PPP2R5C: variants seen among roughly 807,000 people sequenced by gnomAD.
PPP2R5C encodes the protein serine/threonine-protein phosphatase 2A 56 kDa regulatory subunit gamma isoform.
PPP2R5C carries 7 observed loss-of-function variants against 68.9 expected under a neutral mutation model. That is an observed-to-expected ratio of 0.10 (90% CI 0.06 to 0.19). The LOEUF (loss-of-function observed/expected upper bound fraction) is 0.19. PPP2R5C is among the 10% of genes least tolerant of loss of function. The pLI is 1.00. For missense variants in PPP2R5C, 348 were observed against 641.3 expected (o/e 0.54, Z 4.94); for synonymous variants, 210 against 222.2 (o/e 0.95, Z 0.49).
exon 14 of PPP2R5C, chr14:101,926,255 G>C (rs2047285453): frequency 6.6e-6 from 1 of 152,430 alleles, no homozygotes; most frequent in South Asian, 2.1e-4. Flanking sequence ...GCATTGCACG[G>C]GGCCGGCACT....
At chr14:101,865,924 CAG>C (rs1230025039) in intron 2 of PPP2R5C, among the ~76,000 whole-genome samples, 2 of 152,168 alleles carry the variant, frequency 1.3e-5, no homozygotes, top group Non-Finnish European at 2.9e-5. Context: ...TTTTTTGAGA[CAG>C]AGTCTTTCTC....
At chr14:101,836,271 G>A in intron 1 of PPP2R5C, 1 of 702,844 alleles carries the variant, frequency 1.4e-6, no homozygotes. Flanking sequence ...CAAACCCATG[G>A]AGAACCCCGC....
chr14:101,842,027 C>A (rs537561768), intron 1 of PPP2R5C, among the ~76,000 whole-genome samples: 1 of 152,188 alleles, frequency 6.6e-6, no homozygotes, highest in Admixed American at 6.5e-5. Context: ...CCTGCAGGTT[C>A]CCCCCACCAA....
At chr14:101,760,650 A>C (rs964035378), upstream of PPP2R5C, 11 of 572,720 alleles carry the variant, frequency 1.9e-5, no homozygotes, top group African/African-American at 7.8e-4. Context: ...GAAACTGCGG[A>C]GGGCGGGACC....
intron 1 of PPP2R5C, among the ~76,000 whole-genome samples, chr14:101,840,041 G>C (rs2041366416): frequency 6.6e-6 from 1 of 151,964 alleles, no homozygotes; most frequent in Non-Finnish European, 1.5e-5. Flanking sequence ...TATCACATTA[G>C]CCATTGAATA....
chr14:101,884,776 C>CCTTCA (rs1455598066), intron 5 of PPP2R5C, among the ~76,000 whole-genome samples: 1 of 152,230 alleles, frequency 6.6e-6, no homozygotes, highest in Non-Finnish European at 1.5e-5. Flanking sequence ...CTGAAACATC[C>CCTTCA]CTTCACTGGG....
At chr14:101,823,652 T>A (rs774768106) in intron 1 of PPP2R5C, 2 of 611,520 alleles carry the variant, frequency 3.3e-6, no homozygotes, top group Non-Finnish European at 4.2e-6. Context: ...CGGTGGAAAC[T>A]GAAGCAGAGA....
At chr14:101,884,377 A>G (rs188924043) in intron 5 of PPP2R5C, among the ~76,000 whole-genome samples, 1 of 152,348 alleles carries the variant, frequency 6.6e-6, no homozygotes, top group Non-Finnish European at 1.5e-5. Flanking sequence ...AATACTTTGC[A>G]TCCTTCAATC....
At chr14:101,876,394 C>T (rs1047697613) in intron 2 of PPP2R5C, among the ~76,000 whole-genome samples, 6 of 151,012 alleles carry the variant, frequency 4.0e-5, no homozygotes, top group East Asian at 1.9e-4. Flanking sequence ...TTCCTGTTGC[C>T]TCTAAAGTTA....
chr14:101,793,843 A>C (rs1037580818), intron 3 of PPP2R5C, among the ~76,000 whole-genome samples: 2 of 152,242 alleles, frequency 1.3e-5, no homozygotes, highest in African/African-American at 4.8e-5. Flanking sequence ...GAAGCTAAAA[A>C]GGAGACAGAG....
chr14:101,783,053 CCT>C (rs1266115585), intron 2 of PPP2R5C, among the ~76,000 whole-genome samples: 1 of 4,074 alleles, frequency 2.5e-4, no homozygotes, highest in Admixed American at 1.6e-3. Flanking sequence ...TCCCTCTCCC[CCT>C]CTCTCTTTCT....
At chr14:101,829,315 C>A (rs1235579963) in intron 1 of PPP2R5C, among the ~76,000 whole-genome samples, 1 of 152,156 alleles carries the variant, frequency 6.6e-6, no homozygotes, top group Non-Finnish European at 1.5e-5. Context: ...GTTCTGAGTA[C>A]AACATCTTTT....
chr14:101,861,086 A>G (rs2042709081), intron 2 of PPP2R5C, among the ~76,000 whole-genome samples: 1 of 152,222 alleles, frequency 6.6e-6, no homozygotes, highest in Admixed American at 6.5e-5. Flanking sequence ...TTCTTCTGAT[A>G]GTCACAATAC....
intron 1 of PPP2R5C, among the ~76,000 whole-genome samples, chr14:101,821,447 GGGTGGGTGTGTGT>G (rs1566870069): frequency 1.7e-4 from 17 of 102,900 alleles, no homozygotes; most frequent in African/African-American, 5.8e-4. Context: ...GGGGGTGGGT[GGGTGGGTGTGTGT>G]GTGTGTGTGT....
chr14:101,835,058 A>G lies in PPP2R5C; in HGVS notation c.95-21628A>G, dbSNP rs2040996977. ...GTGTATTCAAAGCACATTCACAGTAAGGAAAAAAAAAATGCAGCCTGTGTC... is the reference window on the plus strand; with the variant it reads ...GTGTATTCAAAGCACATTCACAGTAGGGAAAAAAAAAATGCAGCCTGTGTC... On this transcript the variant is annotated intron_variant, in intron 1 of 13. Coordinates refer to ENST00000334743, the Ensembl canonical transcript of PPP2R5C. This position sits in a 1 kb window ranked among gnomAD's most constrained non-coding sequence, Gnocchi z 5.0. Among the ~76,000 whole-genome samples the G allele has an allele frequency of 6.6e-6, 1 of 152,080 alleles. No homozygotes were observed. Among genetic ancestry groups the G allele is most frequent in the African/African-American group, 2.4e-5 (1 of 41,418 alleles).
chr14:101,844,970 G>C (rs188888148), intron 1 of PPP2R5C, among the ~76,000 whole-genome samples: 3 of 152,154 alleles, frequency 2.0e-5, no homozygotes, highest in African/African-American at 7.2e-5. Context: ...GCTGCACGAA[G>C]GGTGTTGAGC....
chr14:101,833,387 A>C (rs1471357708), intron 1 of PPP2R5C: 1 of 152,242 alleles, frequency 6.6e-6, no homozygotes. Flanking sequence ...TGTTTGAAGA[A>C]GATAGGGTTA....
At chr14:101,859,954 G>T (rs1054074282) in intron 2 of PPP2R5C, among the ~76,000 whole-genome samples, 19 of 148,632 alleles carry the variant, frequency 1.3e-4, no homozygotes, top group Non-Finnish European at 2.1e-4. Context: ...TATAGTTGTT[G>T]TACTCCTGAT....
At chr14:101,900,504 C>T (rs76543273) in intron 8 of PPP2R5C, among the ~76,000 whole-genome samples, 4 of 152,224 alleles carry the variant, frequency 2.6e-5, no homozygotes, top group African/African-American at 2.4e-5. Context: ...AAGAGCTGCT[C>T]TAACGCACCG....
Sources: allele counts gnomAD v4.1 joint callset (sites outside exome capture counted in the v4.1 genomes callset), GRCh38; gene constraint gnomAD v4.1.1; non-coding constraint Gnocchi (gnomAD v3.1); transcripts MANE v1.5; gene names NCBI Gene and HGNC (gene_info 2026-07-23, HGNC 2026-07-21).